Variants in CACNA2D3 observed in about 807,000 individuals in gnomAD.
The protein encoded by CACNA2D3 is calcium voltage-gated channel auxiliary subunit alpha2delta 3.
A neutral mutation model predicts 160.6 loss-of-function variants in CACNA2D3; 60 were observed. The observed-to-expected ratio is 0.37, with a 90% CI of 0.30 to 0.46. CACNA2D3 has a LOEUF of 0.46. Among genes scored for constraint, CACNA2D3 ranks in the 20% least tolerant of loss-of-function variants. The probability of loss-of-function intolerance (pLI) is 1.00; values close to 1 mark genes in which losing one functional copy is unlikely to be tolerated. For missense variants in CACNA2D3, 1,205 were observed against 1,365.0 expected, an observed-to-expected ratio of 0.88 and a Z score of 1.85; for synonymous variants, 558 against 492.9, an observed-to-expected ratio of 1.13 and a Z score of -1.75.
At chr3:54,630,569 G>A (rs975794711) in intron 10 of CACNA2D3, among the ~76,000 whole-genome samples, 2 of 152,188 alleles carry the variant, frequency 1.3e-5, no homozygotes, top group African/African-American at 4.8e-5. Context: ...TTAAAAATGT[G>A]TTTAACCACA....
intron 18 of CACNA2D3, among the ~76,000 whole-genome samples, chr3:54,877,369 G>A (rs1393061481): frequency 6.6e-6 from 1 of 152,210 alleles, no homozygotes; most frequent in Non-Finnish European, 1.5e-5. Flanking sequence ...ACTGTTGACT[G>A]TGGTGTTGAT....
intron 13 of CACNA2D3, among the ~76,000 whole-genome samples, chr3:54,779,739 G>A (rs1702496641): frequency 6.6e-6 from 1 of 152,190 alleles, no homozygotes; most frequent in African/African-American, 2.4e-5. Context: ...TCTTTCCCAT[G>A]TTCTTTGTCT....
chr3:54,815,046 A>G (rs1205450782), intron 13 of CACNA2D3, among the ~76,000 whole-genome samples: 1 of 152,210 alleles, frequency 6.6e-6, no homozygotes. Context: ...TGTTGTGTGA[A>G]AAGATGTTTA....
At chr3:54,663,537 G>A (rs953449069) in intron 11 of CACNA2D3, among the ~76,000 whole-genome samples, 9 of 152,194 alleles carry the variant, frequency 5.9e-5, no homozygotes, top group Non-Finnish European at 1.3e-4. Flanking sequence ...GTCTGGAATT[G>A]ATCCCAGATA....
intron 11 of CACNA2D3, among the ~76,000 whole-genome samples, chr3:54,647,646 CA>C (rs144503856): frequency 5.9e-4 from 90 of 152,214 alleles, no homozygotes; most frequent in East Asian, 4.4e-3. Flanking sequence ...GGGAACAGAC[CA>C]GGGGGGGCAT....
At position 54,939,196 on chromosome 3, in the gene CACNA2D3, C is replaced by T. The variant is rs1384794399; in HGVS notation, c.2450-29254C>T. On this transcript the variant is annotated intron_variant, in intron 27 of 37. Coordinates refer to ENST00000474759, the MANE Select transcript of CACNA2D3 (RefSeq NM_018398.3). ...TTACAACCTTCCAGAAGTTCTCAGA[C>T]ACAGGGTGCTTTACCTGGAAATGAT... Among the ~76,000 whole-genome samples the T allele has an allele frequency of 3.9e-5, 6 of 152,198 alleles. No homozygotes were observed. In the East Asian group the frequency reaches 9.6e-4, roughly 24 times the overall value.
chr3:54,712,711 C>T (rs1700975461), intron 11 of CACNA2D3, among the ~76,000 whole-genome samples: 1 of 152,206 alleles, frequency 6.6e-6, no homozygotes. Context: ...AATGTGTTTT[C>T]TTGCCTTTTC....
At chr3:54,749,604 C>A (rs996146786) in intron 11 of CACNA2D3, among the ~76,000 whole-genome samples, 4 of 152,230 alleles carry the variant, frequency 2.6e-5, no homozygotes, top group Non-Finnish European at 5.9e-5. Flanking sequence ...AAATTTCTCT[C>A]CAAAATATTT....
chr3:54,580,991 G>C, intron 8 of CACNA2D3, among the ~76,000 whole-genome samples: 1 of 152,226 alleles, frequency 6.6e-6, no homozygotes, highest in East Asian at 1.9e-4. Flanking sequence ...AGGCTGATGA[G>C]TAAAGATGCT....
intron 13 of CACNA2D3, among the ~76,000 whole-genome samples, chr3:54,811,584 G>A (rs1469681227): frequency 1.4e-5 from 2 of 145,000 alleles, no homozygotes; most frequent in Non-Finnish European, 3.0e-5. Flanking sequence ...TGCAACCTCC[G>A]CCTCCCAGGT....
At chr3:54,656,332 T>C (rs6800366) in intron 11 of CACNA2D3, among the ~76,000 whole-genome samples, 20,888 of 152,274 alleles carry the variant, frequency 0.14, 1,557 homozygotes, top group African/African-American at 0.2. Context: ...GGATGGGAAG[T>C]CTCCCAGCAG....
At chr3:55,039,180 C>T (rs1703903478) in intron 35 of CACNA2D3, among the ~76,000 whole-genome samples, 1 of 152,114 alleles carries the variant, frequency 6.6e-6, no homozygotes, top group Non-Finnish European at 1.5e-5. Flanking sequence ...CAGAAGCACT[C>T]ATTTCTTCAC....
chr3:54,408,138 T>G (rs903211279), intron 4 of CACNA2D3, among the ~76,000 whole-genome samples: 3 of 152,146 alleles, frequency 2.0e-5, no homozygotes, highest in Non-Finnish European at 4.4e-5. Context: ...TTAAATCAAA[T>G]TTCAATTGTG....
chr3:54,333,232 G>T (rs576960538), intron 3 of CACNA2D3, among the ~76,000 whole-genome samples: 1 of 152,230 alleles, frequency 6.6e-6, no homozygotes, highest in African/African-American at 2.4e-5. Flanking sequence ...CAGGCCAGTG[G>T]TTGGTCCATT....
At chr3:54,451,229 C>CTTTTT (rs71074970) in intron 4 of CACNA2D3, among the ~76,000 whole-genome samples, 1,170 of 51,756 alleles carry the variant, frequency 0.023, 353 homozygotes, top group African/African-American at 0.03. Context: ...ATATAATAAT[C>CTTTTT]TTTTTTTTTT....
intron 3 of CACNA2D3, among the ~76,000 whole-genome samples, chr3:54,341,013 C>A (rs1698331618): frequency 1.3e-5 from 2 of 152,350 alleles, no homozygotes; most frequent in South Asian, 4.1e-4. Flanking sequence ...CGCCTGCTGT[C>A]CCCTCACCTA....
At chr3:55,025,634 CAAAAAAAAAA>C (rs10717273) in intron 35 of CACNA2D3, among the ~76,000 whole-genome samples, 2 of 63,280 alleles carry the variant, frequency 3.2e-5, no homozygotes, top group African/African-American at 1.2e-4. Flanking sequence ...ACTCTATCTC[CAAAAAAAAAA>C]AAAAAAAAAA....
chr3:54,360,089 C>T (rs1008988816), intron 3 of CACNA2D3, among the ~76,000 whole-genome samples: 2 of 152,152 alleles, frequency 1.3e-5, no homozygotes, highest in Non-Finnish European at 2.9e-5. Flanking sequence ...ATGTGGTTGG[C>T]CCCCCACCTT....
intron 35 of CACNA2D3, among the ~76,000 whole-genome samples, chr3:55,024,408 C>T (rs2107167803): frequency 6.6e-6 from 1 of 152,166 alleles, no homozygotes; most frequent in South Asian, 2.1e-4. Context: ...CCAAAATCTA[C>T]TTGTTGGAAC....
Sources: gnomAD v4.1 joint callset for allele counts (sites outside exome capture counted in the v4.1 genomes callset) on GRCh38, gnomAD v4.1.1 for gene constraint, MANE v1.5 for transcripts, NCBI Gene and HGNC (gene_info 2026-07-23, HGNC 2026-07-21) for gene names.